Variants in RPTOR observed in about 807,000 individuals in gnomAD.
RPTOR encodes the protein regulatory associated protein of MTOR complex 1.
RPTOR carries 21 observed loss-of-function variants against 169.9 expected under a neutral mutation model. The observed-to-expected ratio is 0.12, with a 90% CI of 0.09 to 0.18. RPTOR has a LOEUF of 0.18. Among genes scored for constraint, RPTOR ranks in the 10% least tolerant of loss-of-function variants. The pLI is 1.00. For missense variants in RPTOR, 1,133 were observed against 1,855.9 expected (o/e 0.61, Z 7.16); for synonymous variants, 732 against 753.2 (o/e 0.97, Z 0.46).
intron 28 of RPTOR, among the ~76,000 whole-genome samples, chr17:80,951,748 C>T (rs1464300889): frequency 6.6e-6 from 1 of 152,184 alleles, no homozygotes; most frequent in Non-Finnish European, 1.5e-5. Flanking sequence ...ACGCTCGGGC[C>T]GAGGGACAGC....
chr17:80,691,171 CAT>C (rs1276897860), intron 3 of RPTOR, among the ~76,000 whole-genome samples: 8 of 152,310 alleles, frequency 5.3e-5, no homozygotes, highest in African/African-American at 1.9e-4. Flanking sequence ...AAGGTACAGT[CAT>C]AGAGGAAAGC....
rs1008150165 is a variant in RPTOR at position 80,633,074 on chromosome 17, C to A, written c.265+7281C>A. On this transcript the variant is annotated intron_variant, in intron 2 of 33. Transcript: ENST00000306801. The surrounding 1 kb of genome is among the most constrained non-coding windows in gnomAD (Gnocchi z 4.1). ...CGGCCTCTTAAAGTGTTGAAATGAC[C>A]GGCATGAGCTACCACACTAGGCCCA... 6.6e-6 allele frequency among the ~76,000 whole-genome samples: 1 copy of A among 152,024 alleles called. No individual in the cohort carries two copies. Among genetic ancestry groups the A allele is most frequent in the African/African-American group, 2.4e-5 (1 of 41,362 alleles).
chr17:80,964,182 C>T (rs1023852352), intron 33 of RPTOR, 80 bp from the exon 34 acceptor site: 16 of 1,140,978 alleles, frequency 1.4e-5, no homozygotes, highest in African/African-American at 9.0e-5. Flanking sequence ...CCTAAGGATG[C>T]GGGTTGGCCT....
At chr17:80,596,715 A>T (rs1371414487) in intron 1 of RPTOR, among the ~76,000 whole-genome samples, 2 of 152,210 alleles carry the variant, frequency 1.3e-5, no homozygotes, top group African/African-American at 4.8e-5. Flanking sequence ...ATATCTCATT[A>T]GATAAGGCCT....
intron 3 of RPTOR, among the ~76,000 whole-genome samples, chr17:80,691,323 G>A (rs2065989191): frequency 1.8e-5 from 2 of 110,116 alleles, no homozygotes; most frequent in African/African-American, 1.1e-4. Flanking sequence ...GTGTGTGCAT[G>A]CATAGGTATG....
At chr17:80,952,640 T>C (rs2069194411) in intron 28 of RPTOR, among the ~76,000 whole-genome samples, 1 of 152,174 alleles carries the variant, frequency 6.6e-6, no homozygotes, top group Admixed American at 6.5e-5. Context: ...ATGTTCTCCA[T>C]GTGCTCGTTC....
intron 1 of RPTOR, among the ~76,000 whole-genome samples, chr17:80,597,277 C>T (rs532532693): frequency 7.2e-5 from 11 of 152,144 alleles, no homozygotes; most frequent in Middle Eastern, 3.4e-3. Flanking sequence ...ACAGGGAATG[C>T]GGAGTTTAGG....
chr17:80,896,383 CCTCGCTGACACCCCA>C, intron 20 of RPTOR, among the ~76,000 whole-genome samples: 2 of 106,342 alleles, frequency 1.9e-5, no homozygotes, highest in Non-Finnish European at 4.2e-5. Context: ...CCCCACGCGG[CCTCGCTGACACCCCA>C]CGGCCGCAGC....
chr17:80,825,471 G>C (rs1431316495), intron 9 of RPTOR, among the ~76,000 whole-genome samples: 4 of 107,010 alleles, frequency 3.7e-5, no homozygotes, highest in Non-Finnish European at 9.2e-5. Context: ...CTGCTTTATA[G>C]AAGGTCCTTG....
At chr17:80,768,209 C>T (rs1288525710) in intron 6 of RPTOR, among the ~76,000 whole-genome samples, 1 of 152,090 alleles carries the variant, frequency 6.6e-6, no homozygotes, top group African/African-American at 2.4e-5. Context: ...TTTTGGTTCA[C>T]GTTGGGACTT....
chr17:80,841,188 A>ACTCACCGCACGGCAGCTCACT lies in RPTOR; in HGVS notation c.1212+3244_1212+3264dup, dbSNP rs1567942966. ...TCACTCTCACCGCACGGCAGCTCAC[A>ACTCACCGCACGGCAGCTCACT]CTCACCGCACGGCAGCTCACTCTCA... On this transcript the variant is annotated intron_variant, in intron 10 of 33. Transcript: ENST00000306801. Among the ~76,000 whole-genome samples, 24 of 19,338 alleles carry ACTCACCGCACGGCAGCTCACT rather than the reference A, an allele frequency of 1.2e-3. 1 individual carries two copies. Among genetic ancestry groups the ACTCACCGCACGGCAGCTCACT allele is most frequent in the Admixed American group, 3.0e-3 (6 of 1,970 alleles). The allele number at this position is 19,338 out of a possible 152,430, so 12.7% of individuals were successfully genotyped here. A position where few individuals can be genotyped will look rare whatever the true frequency, so the allele number is the denominator to read the frequency against.
intron 1 of RPTOR, among the ~76,000 whole-genome samples, chr17:80,587,171 C>A (rs1369893432): frequency 2.0e-5 from 3 of 152,274 alleles, no homozygotes; most frequent in Admixed American, 2.0e-4. Flanking sequence ...CCGCAGTTCC[C>A]CTTTCCTGGT....
At position 80,891,716 on chromosome 17, in the gene RPTOR, G is replaced by A. The variant is rs755722604; in HGVS notation, c.1984-4G>A. ...CTGTTATTGTCCCTTCTCCCTCTCG[G>A]CAGGAGCTGGTGGTGGCTCTGAGTC... On this transcript the variant is annotated splice_polypyrimidine_tract_variant and splice_region_variant and intron_variant, in intron 17 of 33. Coordinates refer to ENST00000306801, the MANE Select transcript of RPTOR (RefSeq NM_020761.3). The A allele has an allele frequency of 6.2e-7, 1 of 1,601,340 alleles. No homozygotes were observed.
chr17:80,777,950 C>G (rs2066907138), intron 6 of RPTOR, among the ~76,000 whole-genome samples: 1 of 152,168 alleles, frequency 6.6e-6, no homozygotes, highest in Non-Finnish European at 1.5e-5. Context: ...CTTTCCCTAG[C>G]AGGTTTCTGT....
In RPTOR at chr17:80,721,339, A is replaced by C. The variant is rs2066284617; in HGVS notation, c.508-9221A>C. 6.6e-6 allele frequency among the ~76,000 whole-genome samples: 1 copy of C among 151,466 alleles called. No homozygotes were observed. Among genetic ancestry groups the C allele is most frequent in the South Asian group, 2.1e-4 (1 of 4,832 alleles). On this transcript the variant is annotated intron_variant, in intron 4 of 33. Coordinates refer to ENST00000306801, the MANE Select transcript of RPTOR (RefSeq NM_020761.3). The surrounding 1 kb of genome is among the most constrained non-coding windows in gnomAD (Gnocchi z 4.7). Reference sequence around the variant, plus strand: ...AGGCTCCTGGACGCGGCGGAAGTGCAAGCGGGAAAAAGGATGGCAAGTTGA... The same window carrying C: ...AGGCTCCTGGACGCGGCGGAAGTGCCAGCGGGAAAAAGGATGGCAAGTTGA...
At chr17:80,911,609 AC>A (rs2068613856) in intron 21 of RPTOR, among the ~76,000 whole-genome samples, 1 of 151,982 alleles carries the variant, frequency 6.6e-6, no homozygotes, top group African/African-American at 2.4e-5. Context: ...ACATAGTGAA[AC>A]CCCGTCTCTA....
chr17:80,857,782 G>T lies in RPTOR; in HGVS notation c.1399-8G>T, dbSNP rs762432923. On this transcript the variant is annotated splice_region_variant and splice_polypyrimidine_tract_variant and intron_variant, in intron 12 of 33. Transcript: ENST00000306801. ...CACAGGTGCGCTGACGCCCTCCCTC[G>T]CCCCCAGGCCTTGTCTGTCGGCATC... 3 of 1,602,170 alleles carry T rather than the reference G, an allele frequency of 1.9e-6. No individual in the cohort carries two copies. The highest frequency in any genetic ancestry group is 1.3e-5 in the African/African-American group (1 of 74,776).
chr17:80,634,580 T>TGC (rs2065481562), intron 2 of RPTOR, among the ~76,000 whole-genome samples: 2 of 128,814 alleles, frequency 1.6e-5, no homozygotes, highest in Non-Finnish European at 3.2e-5. Context: ...ACTGTGTGTG[T>TGC]GTGCGTACTG....
chr17:80,938,799 A>G (rs6565496), intron 24 of RPTOR, among the ~76,000 whole-genome samples: 135,344 of 152,238 alleles, frequency 0.89, 60,373 homozygotes, highest in African/African-American at 0.95. Flanking sequence ...GGGGTCAGAC[A>G]TGAGGTTTGG....
Sources: gnomAD v4.1 joint callset for allele counts (sites outside exome capture counted in the v4.1 genomes callset) on GRCh38, gnomAD v4.1.1 for gene constraint, Gnocchi (gnomAD v3.1) non-coding constraint, MANE v1.5 for transcripts, NCBI Gene and HGNC (gene_info 2026-07-23, HGNC 2026-07-21) for gene names.